The following CDH2 variants were observed in gnomAD, a reference collection of about 807,000 sequenced individuals.
CDH2 encodes the protein cadherin-2.
In CDH2, 17 loss-of-function variants were observed where a neutral mutation model predicts 92.0. That is an observed-to-expected ratio of 0.18 (90% CI 0.13 to 0.28). The LOEUF (loss-of-function observed/expected upper bound fraction) is 0.28. Among genes scored for constraint, CDH2 ranks in the 10% least tolerant of loss-of-function variants. The pLI, the probability that CDH2 is intolerant of heterozygous loss-of-function variation, is 1.00. For missense variants in CDH2, 862 were observed against 1,133.1 expected (o/e 0.76, Z 3.44); for synonymous variants, 419 against 415.9 (o/e 1.01, Z -0.09).
chr18:28,136,790 G>C lies in CDH2; in HGVS notation c.172+10883C>G, dbSNP rs17536486. Among the ~76,000 whole-genome samples the C allele has an allele frequency of 3.8e-3, 580 of 152,194 alleles. 5 individuals carry two copies. The highest frequency in any genetic ancestry group is 0.013 in the African/African-American group (552 of 41,546). On this transcript the variant is annotated intron_variant, in intron 2 of 15. Transcript: ENST00000269141. ...TTTCTGTTGTGGAAATACACGCTAA[G>C]ACCAAATATCTAAGTATAGTAGAAA...
rs45550537 is a variant in CDH2, at chr18:27,956,420, G to A, written c.2515-4061C>T. Among the ~76,000 whole-genome samples the A allele has an allele frequency of 4.8e-3, 735 of 152,254 alleles. 6 individuals are homozygous for A. Among genetic ancestry groups the A allele is most frequent in the Non-Finnish European group, 6.7e-3 (454 of 68,022 alleles). The stretch of plus-strand genomic sequence containing the variant: ...ACTTCTGATCCCAGGCTTTATGGGC[G>A]GAGACATGCTTTTATGAGGATAAAA... On this transcript the variant is annotated intron_variant, in intron 15 of 15. Transcript: ENST00000269141.
intron 5 of CDH2, among the ~76,000 whole-genome samples, chr18:28,008,313 C>T (rs539107350): frequency 6.6e-6 from 1 of 152,114 alleles, no homozygotes; most frequent in Non-Finnish European, 1.5e-5. Flanking sequence ...ACTTCTTTTC[C>T]TATGTTTCAG....
chr18:27,971,951 A>T (rs1340975929), intron 14 of CDH2, among the ~76,000 whole-genome samples: 3 of 152,224 alleles, frequency 2.0e-5, no homozygotes, highest in Non-Finnish European at 4.4e-5. Flanking sequence ...TCTAACACTT[A>T]AAGTCCGATA....
At chr18:27,939,091 C>G (rs1909080310) in intron 6 of CDH2, among the ~76,000 whole-genome samples, 1 of 149,746 alleles carries the variant, frequency 6.7e-6, no homozygotes. Context: ...ATGCATTCTG[C>G]ATTTCCCATG....
At chr18:28,085,146 G>A (rs2014902339) in intron 2 of CDH2, among the ~76,000 whole-genome samples, 1 of 152,038 alleles carries the variant, frequency 6.6e-6, no homozygotes, top group Admixed American at 6.6e-5. Flanking sequence ...ATTATCCTCA[G>A]TCCTTTCCTT....
chr18:28,134,135 CAAAAAAAA>C (rs34083301), intron 2 of CDH2, among the ~76,000 whole-genome samples: 1 of 91,606 alleles, frequency 1.1e-5, no homozygotes, highest in Non-Finnish European at 2.1e-5. Context: ...ACTAAATTTA[CAAAAAAAA>C]AAAAAAAAAA....
At chr18:28,081,128 T>G (rs2014820858) in intron 2 of CDH2, among the ~76,000 whole-genome samples, 2 of 152,202 alleles carry the variant, frequency 1.3e-5, no homozygotes, top group Non-Finnish European at 2.9e-5. Context: ...CAGGAATTAG[T>G]TACACAGAGT....
intron 2 of CDH2, among the ~76,000 whole-genome samples, chr18:28,035,443 C>T (rs2013801794): frequency 1.3e-5 from 2 of 151,892 alleles, no homozygotes; most frequent in Non-Finnish European, 1.5e-5. Flanking sequence ...TGATGTTTGG[C>T]GAATTTTTAC....
intron 2 of CDH2, among the ~76,000 whole-genome samples, chr18:28,015,209 T>A (rs1010430887): frequency 2.6e-5 from 4 of 152,210 alleles, no homozygotes; most frequent in African/African-American, 4.8e-5. Flanking sequence ...CAGGCATGCT[T>A]ATTTCCCTTA....
chr18:28,048,857 T>C (rs1307612406), intron 2 of CDH2, among the ~76,000 whole-genome samples: 2 of 151,972 alleles, frequency 1.3e-5, no homozygotes, highest in Non-Finnish European at 2.9e-5. Context: ...TTTTCATCAA[T>C]GGCAGCTGAA....
intron 2 of CDH2, among the ~76,000 whole-genome samples, chr18:28,115,927 A>G (rs553644558): frequency 4.6e-5 from 7 of 152,270 alleles, no homozygotes; most frequent in African/African-American, 1.2e-4. Context: ...TCTTTCTTGG[A>G]AAAGCATTCA....
intron 2 of CDH2, among the ~76,000 whole-genome samples, chr18:28,121,464 T>G (rs1420115499): frequency 6.6e-6 from 1 of 152,068 alleles, no homozygotes; most frequent in African/African-American, 2.4e-5. Flanking sequence ...CCCTAACCTC[T>G]ACATTTGGGT....
chr18:27,998,377 A>G (rs1042268537), intron 7 of CDH2, among the ~76,000 whole-genome samples: 3 of 152,150 alleles, frequency 2.0e-5, no homozygotes, highest in African/African-American at 7.2e-5. Flanking sequence ...CATTTTACAG[A>G]TGAGGAAATG....
In CDH2 at chr18:28,080,517, C is replaced by CTT. The variant is rs1409611513; in HGVS notation, c.173-66609_173-66608insAA. ...TTTCAAAAATTAACAAAGCATAAGA[C>CTT]AACAGAAAAAGAAATACTTAAAAAA... On this transcript the variant is annotated intron_variant, in intron 2 of 15. Coordinates refer to ENST00000269141, the MANE Select transcript of CDH2 (RefSeq NM_001792.5). 2.0e-5 allele frequency among the ~76,000 whole-genome samples: 3 copies of CTT among 151,912 alleles called. No homozygotes were observed. The East Asian group carries it at 5.8e-4, about 29-fold the overall frequency.
chr18:28,010,949 T>A (rs948807847), intron 4 of CDH2, among the ~76,000 whole-genome samples: 1 of 151,780 alleles, frequency 6.6e-6, no homozygotes, highest in Non-Finnish European at 1.5e-5. Flanking sequence ...GTTTTTTTTT[T>A]TTTTAAGTTA....
intron 1 of CDH2, among the ~76,000 whole-genome samples, chr18:28,158,327 G>C (rs531236501): frequency 4.4e-4 from 67 of 152,322 alleles, no homozygotes; most frequent in African/African-American, 1.4e-3. Context: ...TGTTCTAATA[G>C]ATCAAGCAAT....
intron 2 of CDH2, among the ~76,000 whole-genome samples, chr18:28,057,675 A>G (rs1489250307): frequency 6.6e-6 from 1 of 152,162 alleles, no homozygotes; most frequent in African/African-American, 2.4e-5. Flanking sequence ...TCAAAAAAAA[A>G]AAAAAGAAAT....
chr18:27,934,884 A>G (rs921735346), intron 6 of CDH2, among the ~76,000 whole-genome samples: 1 of 152,126 alleles, frequency 6.6e-6, no homozygotes, highest in Non-Finnish European at 1.5e-5. Flanking sequence ...ATTCCTACTC[A>G]GCTTTTTATA....
chr18:28,097,254 G>A (rs2015150715), intron 2 of CDH2: 1 of 151,880 alleles, frequency 6.6e-6, no homozygotes, highest in African/African-American at 2.4e-5. Flanking sequence ...GTGTTTCAAA[G>A]CTAGAAAAAA....
Sources: gnomAD v4.1 joint callset for allele counts (sites outside exome capture counted in the v4.1 genomes callset) on GRCh38, gnomAD v4.1.1 for gene constraint, MANE v1.5 for transcripts, NCBI Gene and HGNC (gene_info 2026-07-23, HGNC 2026-07-21) for gene names.